The following NAA11 variants were observed in gnomAD, a reference collection of about 807,000 sequenced individuals.
The protein encoded by NAA11 is N-alpha-acetyltransferase 11, NatA catalytic subunit, also known as N-alpha-acetyltransferase 11.
A neutral mutation model predicts 16.1 loss-of-function variants in NAA11; 15 were observed. That is an observed-to-expected ratio of 0.93 (90% CI 0.62 to 1.44). The LOEUF is 1.44. Among genes scored for constraint, NAA11 ranks in the 40% most tolerant of loss-of-function variants. The pLI, the probability that NAA11 is intolerant of heterozygous loss-of-function variation, is 0.00. For synonymous variants in NAA11, 122 were observed against 112.4 expected, an observed-to-expected ratio of 1.09 and a Z score of -0.54; for missense variants, 298 against 291.3, an observed-to-expected ratio of 1.02 and a Z score of -0.17.
At chr4:79,316,437 T>C (rs1723929783), downstream of NAA11, among the ~76,000 whole-genome samples, 1 of 152,206 alleles carries the variant, frequency 6.6e-6, no homozygotes, top group African/African-American at 2.4e-5. Context: ...CAGACATTCT[T>C]AGAGTGCACT....
chr4:79,230,511 C>CG (rs1553942548), intron 2 of NAA11, among the ~76,000 whole-genome samples: 2 of 151,780 alleles, frequency 1.3e-5, no homozygotes, highest in Non-Finnish European at 2.9e-5. Context: ...TTGATTCCTA[C>CG]AAAAGAAACC....
At chr4:79,221,145 G>A (rs1721180512), downstream of NAA11, among the ~76,000 whole-genome samples, 1 of 151,920 alleles carries the variant, frequency 6.6e-6, no homozygotes, top group Non-Finnish European at 1.5e-5. Context: ...AATTGTGAAT[G>A]GGAGTTCACT....
At chr4:79,195,051 A>G in the NAA11 span, among the ~76,000 whole-genome samples, 9 of 152,100 alleles carry the variant, frequency 5.9e-5, no homozygotes, top group Non-Finnish European at 1.2e-4. Flanking sequence ...GTCCTATCTA[A>G]TCTAAATACT....
At chr4:79,303,748 T>A (rs1723479889) in intron 1 of NAA11, among the ~76,000 whole-genome samples, 1 of 152,182 alleles carries the variant, frequency 6.6e-6, no homozygotes, top group Admixed American at 6.5e-5. Context: ...CCTTGGTAGG[T>A]TTAAAAAGTT....
At chr4:79,176,478 T>A in the NAA11 span, among the ~76,000 whole-genome samples, 1 of 152,104 alleles carries the variant, frequency 6.6e-6, no homozygotes, top group Non-Finnish European at 1.5e-5. Flanking sequence ...GCAGTTTGCG[T>A]CTGAAGACAG....
intron 2 of NAA11, among the ~76,000 whole-genome samples, chr4:79,241,100 T>C (rs1174746514): frequency 6.6e-6 from 1 of 152,136 alleles, no homozygotes; most frequent in African/African-American, 2.4e-5. Flanking sequence ...CACTTGTACA[T>C]AGATTTTCTT....
At chr4:79,274,708 T>C (rs979946154) in intron 2 of NAA11, among the ~76,000 whole-genome samples, 1 of 152,038 alleles carries the variant, frequency 6.6e-6, no homozygotes, top group African/African-American at 2.4e-5. Context: ...GAACAGTGCA[T>C]GGCATGTAAA....
At chr4:79,300,815 TAG>T (rs1403152304) in intron 1 of NAA11, among the ~76,000 whole-genome samples, 1 of 152,120 alleles carries the variant, frequency 6.6e-6, no homozygotes, top group African/African-American at 2.4e-5. Flanking sequence ...AAGGATAAGC[TAG>T]AGAGACGGAT....
At chr4:79,208,131 A>C in the NAA11 span, among the ~76,000 whole-genome samples, 1 of 152,170 alleles carries the variant, frequency 6.6e-6, no homozygotes, top group East Asian at 1.9e-4. Context: ...GGAATTGGAC[A>C]GGAGGAACAG....
chr4:79,195,837 A>G, the NAA11 span: 1 of 153,396 alleles, frequency 6.5e-6, no homozygotes, highest in Admixed American at 6.5e-5. Context: ...TTTACTCAGA[A>G]CTGCTTCTTG....
chr4:79,191,064 A>G, the NAA11 span, among the ~76,000 whole-genome samples: 16 of 152,094 alleles, frequency 1.1e-4, no homozygotes, highest in Admixed American at 3.3e-4. Flanking sequence ...TTAAAATCCA[A>G]TCTGTCATCG....
the NAA11 span, among the ~76,000 whole-genome samples, chr4:79,184,984 T>G: frequency 6.6e-5 from 10 of 152,230 alleles, no homozygotes; most frequent in Admixed American, 6.5e-4. Flanking sequence ...GCTTATTTAC[T>G]GCACTGAAAC....
intron 2 of NAA11, among the ~76,000 whole-genome samples, chr4:79,256,431 T>C (rs1722107655): frequency 6.6e-6 from 1 of 151,858 alleles, no homozygotes; most frequent in African/African-American, 2.4e-5. Context: ...CAGATGGGCT[T>C]CTAGATCTAG....
At chr4:79,226,888 T>TA (rs1485643036) in intron 2 of NAA11, among the ~76,000 whole-genome samples, 1 of 152,078 alleles carries the variant, frequency 6.6e-6, no homozygotes, top group Non-Finnish European at 1.5e-5. Context: ...GCAGTAAACA[T>TA]ACGTATGCAT....
At chr4:79,246,625 T>C (rs1721841098) in intron 2 of NAA11, among the ~76,000 whole-genome samples, 1 of 152,210 alleles carries the variant, frequency 6.6e-6, no homozygotes, top group African/African-American at 2.4e-5. Flanking sequence ...ATTAAATCCA[T>C]CAGTTGAACC....
At chr4:79,221,048 C>A (rs1303647873), downstream of NAA11, among the ~76,000 whole-genome samples, 2 of 151,376 alleles carry the variant, frequency 1.3e-5, no homozygotes, top group Non-Finnish European at 3.0e-5. Flanking sequence ...CTTTTATTTC[C>A]TTGAGCAGTG....
At chr4:79,254,016 CA>C (rs1429323349) in intron 2 of NAA11, among the ~76,000 whole-genome samples, 2 of 152,210 alleles carry the variant, frequency 1.3e-5, no homozygotes, top group Non-Finnish European at 2.9e-5. Context: ...CTCTGCCTCA[CA>C]TAGATTTCCA....
intron 2 of NAA11, among the ~76,000 whole-genome samples, chr4:79,263,924 C>T (rs1722290187): frequency 6.6e-6 from 1 of 152,268 alleles, no homozygotes; most frequent in African/African-American, 2.4e-5. Flanking sequence ...CTTTTCTGAG[C>T]CCATATACTC....
At chr4:79,244,099 C>T (rs1363547628) in intron 2 of NAA11, among the ~76,000 whole-genome samples, 1 of 152,206 alleles carries the variant, frequency 6.6e-6, no homozygotes, top group African/African-American at 2.4e-5. Flanking sequence ...TTACTTCTCC[C>T]TGGGGTCAGC....
Sources: allele counts gnomAD v4.1 joint callset (sites outside exome capture counted in the v4.1 genomes callset), GRCh38; gene constraint gnomAD v4.1.1; transcripts MANE v1.5; gene names NCBI Gene and HGNC (gene_info 2026-07-23, HGNC 2026-07-21).